RBMS3: variants seen among roughly 807,000 people sequenced by gnomAD.
RBMS3 encodes the protein RNA binding motif single stranded interacting protein 3.
In RBMS3, 27 loss-of-function variants were observed where a neutral mutation model predicts 66.8. The ratio of observed to expected loss-of-function variants is 0.40; its 90% confidence interval spans 0.30 to 0.56. The LOEUF (loss-of-function observed/expected upper bound fraction) is 0.56. Among genes scored for constraint, RBMS3 ranks in the 20% least tolerant of loss-of-function variants. The probability of loss-of-function intolerance (pLI) is 0.40; values close to 1 mark genes in which losing one functional copy is unlikely to be tolerated. For synonymous variants in RBMS3, 188 were observed against 183.0 expected (o/e 1.03, Z -0.22); for missense variants, 513 against 549.5 (o/e 0.93, Z 0.66).
intron 5 of RBMS3, among the ~76,000 whole-genome samples, chr3:29,744,922 C>G (rs1369551379): frequency 6.6e-6 from 1 of 152,102 alleles, no homozygotes; most frequent in African/African-American, 2.4e-5. Flanking sequence ...CAGTGGACTT[C>G]ATTTTGAATG....
intron 6 of RBMS3, among the ~76,000 whole-genome samples, chr3:29,850,530 G>A (rs113684068): frequency 0.024 from 3,687 of 152,006 alleles, 142 homozygotes; most frequent in African/African-American, 0.085. Context: ...GCTCCTTTGA[G>A]TATAATTGAA....
chr3:29,330,636 C>T (rs1284862910), intron 1 of RBMS3, among the ~76,000 whole-genome samples: 1 of 152,112 alleles, frequency 6.6e-6, no homozygotes, highest in Non-Finnish European at 1.5e-5. Context: ...ACTAGCCTTG[C>T]TTATTAATCC....
Position 29,333,830 on chromosome 3 carries a change from C to A in RBMS3, c.75+52074C>A, listed in dbSNP as rs566682791. 2.2e-4 allele frequency among the ~76,000 whole-genome samples: 33 copies of A among 152,196 alleles called. No homozygotes were observed. In the South Asian group the frequency reaches 6.8e-3, roughly 32 times the overall value. ...ATGATTTTTGATATGACAGACAGTT[C>A]TTTATAGGATACCCTGAAAATCCTA... On this transcript the variant is annotated intron_variant, in intron 1 of 14. Coordinates refer to ENST00000383767, the MANE Select transcript of RBMS3 (RefSeq NM_001003793.3).
At chr3:29,376,293 G>C (rs1218786166) in intron 1 of RBMS3, among the ~76,000 whole-genome samples, 1 of 152,084 alleles carries the variant, frequency 6.6e-6, no homozygotes, top group Non-Finnish European at 1.5e-5. Context: ...AACCACTCTG[G>C]AGCACGTTTA....
intron 4 of RBMS3, among the ~76,000 whole-genome samples, chr3:29,677,488 A>G (rs2051305085): frequency 6.6e-6 from 1 of 152,124 alleles, no homozygotes; most frequent in Non-Finnish European, 1.5e-5. Context: ...TTTTTTAGAA[A>G]TGGCTTTTTA....
chr3:29,787,781 A>G (rs543905278), intron 6 of RBMS3, among the ~76,000 whole-genome samples: 132 of 152,290 alleles, frequency 8.7e-4, no homozygotes, highest in African/African-American at 3.1e-3. Context: ...AGAAATCATC[A>G]TTAAAGAACT....
intron 10 of RBMS3, among the ~76,000 whole-genome samples, chr3:29,928,259 TATAC>T (rs2061005170): frequency 6.8e-6 from 1 of 147,940 alleles, no homozygotes; most frequent in African/African-American, 2.5e-5. Context: ...TATGCATACA[TATAC>T]ATATTGTTTT....
At chr3:29,618,297 C>G (rs2048739085) in intron 4 of RBMS3, among the ~76,000 whole-genome samples, 1 of 152,090 alleles carries the variant, frequency 6.6e-6, no homozygotes. Flanking sequence ...GAGTTCAAGA[C>G]CAGCCTGGCC....
Position 29,415,863 on chromosome 3 carries a change from C to T in RBMS3, c.76-18880C>T, listed in dbSNP as rs538614739. On this transcript the variant is annotated intron_variant, in intron 1 of 14. Transcript: ENST00000383767. ...TGATTGCTGAGTTCAAGTGAATATTCAAGGCATAATGTAGGATGAAATTTT... is the reference window on the plus strand; with the variant it reads ...TGATTGCTGAGTTCAAGTGAATATTTAAGGCATAATGTAGGATGAAATTTT... Among the ~76,000 whole-genome samples the T allele has an allele frequency of 9.2e-5, 14 of 151,944 alleles. No homozygotes were observed. The South Asian group carries it at 2.3e-3, about 25-fold the overall frequency.
At chr3:29,386,770 T>G (rs545904351) in intron 1 of RBMS3, among the ~76,000 whole-genome samples, 4 of 152,332 alleles carry the variant, frequency 2.6e-5, no homozygotes, top group Non-Finnish European at 5.9e-5. Context: ...AAGTCTCTAC[T>G]CACTGTTTCC....
chr3:29,649,612 C>T (rs577012914), intron 4 of RBMS3, among the ~76,000 whole-genome samples: 37 of 152,190 alleles, frequency 2.4e-4, no homozygotes, highest in African/African-American at 8.9e-4. Context: ...AATGAACCTT[C>T]TAGGCAGCTG....
At chr3:29,560,461 C>T (rs2046510762) in intron 3 of RBMS3, among the ~76,000 whole-genome samples, 1 of 152,162 alleles carries the variant, frequency 6.6e-6, no homozygotes, top group Non-Finnish European at 1.5e-5. Flanking sequence ...CAGCATGCTT[C>T]CCAGCACAAA....
rs139086157 is a variant in RBMS3, at chr3:29,680,759, G to A, written c.400-58961G>A. Among the ~76,000 whole-genome samples the A allele has an allele frequency of 5.6e-3, 845 of 151,834 alleles. 2 individuals carry two copies. The highest frequency in any genetic ancestry group is 8.3e-3 in the Non-Finnish European group (563 of 67,944). On this transcript the variant is annotated intron_variant, in intron 4 of 14. Transcript: ENST00000383767. ...CATTCATCCTATTTTTTTCAATAAG[G>A]CATCTATTACAGGTATCAGTACACT... is the stretch of plus-strand genomic sequence containing the variant.
At chr3:29,335,335 G>A (rs138528625) in intron 1 of RBMS3, among the ~76,000 whole-genome samples, 7 of 152,212 alleles carry the variant, frequency 4.6e-5, no homozygotes, top group African/African-American at 1.4e-4. Flanking sequence ...TGCCTGGTAT[G>A]TGCCCATATA....
chr3:29,599,154 ATTT>A (rs373952565), intron 4 of RBMS3, among the ~76,000 whole-genome samples: 1 of 144,144 alleles, frequency 6.9e-6, no homozygotes. Context: ...GAGAGTGGAG[ATTT>A]TTTTTTTTTT....
intron 2 of RBMS3, among the ~76,000 whole-genome samples, chr3:29,468,670 C>G (rs1461553900): frequency 2.0e-5 from 3 of 152,106 alleles, no homozygotes; most frequent in Admixed American, 6.6e-5. Flanking sequence ...TTATTTCATA[C>G]TCTCCTAACT....
chr3:29,668,611 T>C (rs1370141476), intron 4 of RBMS3, among the ~76,000 whole-genome samples: 20 of 152,194 alleles, frequency 1.3e-4, no homozygotes. Flanking sequence ...AAAGTGTTGT[T>C]TGCAGGGTCT....
chr3:29,469,532 T>C (rs542785336), intron 2 of RBMS3, among the ~76,000 whole-genome samples: 6 of 151,914 alleles, frequency 3.9e-5, no homozygotes, highest in African/African-American at 1.4e-4. Flanking sequence ...CCATTGAAAA[T>C]AACAGAATTG....
intron 8 of RBMS3, among the ~76,000 whole-genome samples, chr3:29,888,083 C>T (rs895203863): frequency 2.6e-5 from 4 of 151,558 alleles, no homozygotes; most frequent in South Asian, 2.1e-4. Flanking sequence ...CAGGTACATC[C>T]GTTAACCTTA....
Sources: allele counts gnomAD v4.1 joint callset (sites outside exome capture counted in the v4.1 genomes callset), GRCh38; gene constraint gnomAD v4.1.1; transcripts MANE v1.5; gene names NCBI Gene and HGNC (gene_info 2026-07-23, HGNC 2026-07-21).